The following KHDC1 variants were observed in gnomAD, a reference collection of about 807,000 sequenced individuals.
KHDC1 encodes the protein KH homology domain-containing protein 1.
Under a neutral mutation model 24.7 loss-of-function variants are expected in KHDC1, and 21 were observed. That is an observed-to-expected ratio of 0.85 (90% CI 0.60 to 1.23). The LOEUF (loss-of-function observed/expected upper bound fraction) is 1.23. Among genes scored for constraint, KHDC1 ranks in the 50% most tolerant of loss-of-function variants. The pLI is 0.00. For synonymous variants in KHDC1, 98 were observed against 111.7 expected, an observed-to-expected ratio of 0.88 and a Z score of 0.77; for missense variants, 274 against 298.5, an observed-to-expected ratio of 0.92 and a Z score of 0.61.
intron 2 of KHDC1, among the ~76,000 whole-genome samples, chr6:73,279,427 G>C (rs920591552): frequency 3.3e-5 from 5 of 151,810 alleles, no homozygotes; most frequent in Admixed American, 2.0e-4. Flanking sequence ...AAAAAACCAA[G>C]TCAACTATAT....
exon 5 of KHDC1, chr6:73,241,641 T>C (rs764925786): frequency 6.2e-7 from 1 of 1,614,020 alleles, no homozygotes; most frequent in South Asian, 1.1e-5. Flanking sequence ...CAAAGACAGG[T>C]CTCCAGTGTA....
chr6:73,251,011 G>C (rs1766769413), intron 2 of KHDC1, among the ~76,000 whole-genome samples: 1 of 152,044 alleles, frequency 6.6e-6, no homozygotes, highest in Admixed American at 6.6e-5. Flanking sequence ...TTTTAGTAGA[G>C]ACAGGTTTTG....
chr6:73,242,958 G>T (rs763896362), intron 2 of KHDC1, among the ~76,000 whole-genome samples: 1 of 152,108 alleles, frequency 6.6e-6, no homozygotes, highest in Non-Finnish European at 1.5e-5. Context: ...GGTTTGTTTG[G>T]TGTGCTGCAT....
chr6:73,259,322 C>T (rs1766938067), intron 2 of KHDC1, among the ~76,000 whole-genome samples: 1 of 109,588 alleles, frequency 9.1e-6, no homozygotes, highest in Non-Finnish European at 1.8e-5. Flanking sequence ...GAGTCTCGCT[C>T]TGTCGCCCAG....
intron 1 of KHDC1, among the ~76,000 whole-genome samples, chr6:73,302,610 T>G (rs890072399): frequency 3.3e-5 from 5 of 152,234 alleles, no homozygotes; most frequent in African/African-American, 1.2e-4. Flanking sequence ...ACAAGCATCA[T>G]GCCAAACACT....
chr6:73,292,383 G>T, intron 1 of KHDC1: 1 of 787,930 alleles, frequency 1.3e-6, no homozygotes, highest in South Asian at 1.3e-5. Context: ...CAGTATGAAT[G>T]TGGGAATTAC....
At chr6:73,251,798 T>C (rs1284368062) in intron 2 of KHDC1, among the ~76,000 whole-genome samples, 2 of 149,852 alleles carry the variant, frequency 1.3e-5, no homozygotes, top group Admixed American at 1.3e-4. Flanking sequence ...TCTTTTCTTT[T>C]CTTTTTTTTT....
intron 2 of KHDC1, among the ~76,000 whole-genome samples, chr6:73,286,362 T>A (rs1582578985): frequency 6.6e-6 from 1 of 152,204 alleles, no homozygotes; most frequent in East Asian, 1.9e-4. Flanking sequence ...AGGACTTCTT[T>A]TCTTGAAATA....
chr6:73,307,447 A>T (rs114114338), intron 1 of KHDC1, among the ~76,000 whole-genome samples: 153 of 152,282 alleles, frequency 1.0e-3, no homozygotes, highest in Non-Finnish European at 1.7e-3. Flanking sequence ...AAATTAATTA[A>T]TTAATTAAAT....
intron 2 of KHDC1, among the ~76,000 whole-genome samples, chr6:73,251,286 C>T (rs1278911030): frequency 6.6e-6 from 1 of 152,178 alleles, no homozygotes; most frequent in East Asian, 1.9e-4. Flanking sequence ...AGTTGGAATT[C>T]TCTTACTGTG....
At chr6:73,279,345 C>A (rs972969334) in intron 2 of KHDC1, among the ~76,000 whole-genome samples, 2 of 151,958 alleles carry the variant, frequency 1.3e-5, no homozygotes, top group Non-Finnish European at 2.9e-5. Flanking sequence ...GAGGTGGAGG[C>A]TGCAGTGAGC....
chr6:73,255,593 T>C (rs1582556777), intron 2 of KHDC1, among the ~76,000 whole-genome samples: 1 of 149,768 alleles, frequency 6.7e-6, no homozygotes, highest in East Asian at 2.0e-4. Context: ...GGATCATTGC[T>C]TGCGGTCATT....
At chr6:73,277,025 A>G (rs969819060) in intron 2 of KHDC1, among the ~76,000 whole-genome samples, 1 of 152,344 alleles carries the variant, frequency 6.6e-6, no homozygotes, top group Non-Finnish European at 1.5e-5. Flanking sequence ...AGGATAATTA[A>G]TGTCCCAGGG....
intron 1 of KHDC1, among the ~76,000 whole-genome samples, chr6:73,301,841 A>G (rs1767884191): frequency 6.6e-6 from 1 of 152,022 alleles, no homozygotes; most frequent in Non-Finnish European, 1.5e-5. Context: ...TACGTTGCCC[A>G]GGTTAGTCTT....
At chr6:73,270,572 T>C (rs1212124013) in intron 2 of KHDC1, 3 of 152,194 alleles carry the variant, frequency 2.0e-5, no homozygotes, top group Non-Finnish European at 4.4e-5. Flanking sequence ...CTTGGACATA[T>C]CTTTTTGAGG....
At chr6:73,258,028 G>A (rs2150563215) in intron 2 of KHDC1, among the ~76,000 whole-genome samples, 1 of 152,272 alleles carries the variant, frequency 6.6e-6, no homozygotes, top group South Asian at 2.1e-4. Flanking sequence ...GCCCAAGGTG[G>A]GCGGATCACT....
At chr6:73,286,858 G>A (rs1767532360) in intron 2 of KHDC1, among the ~76,000 whole-genome samples, 1 of 148,916 alleles carries the variant, frequency 6.7e-6, no homozygotes, top group South Asian at 2.2e-4. Flanking sequence ...ACTCCAGCCC[G>A]GGCAACAGAG....
intron 2 of KHDC1, chr6:73,291,008 A>C (rs192524001): frequency 2.7e-6 from 1 of 365,810 alleles, no homozygotes; most frequent in Admixed American, 3.4e-5. Context: ...ACTTCTATAG[A>C]GATCCTGAAG....
intron 2 of KHDC1, among the ~76,000 whole-genome samples, chr6:73,264,091 T>C (rs996578399): frequency 1.3e-5 from 2 of 152,052 alleles, no homozygotes; most frequent in Non-Finnish European, 2.9e-5. Flanking sequence ...CCAAGCTATA[T>C]GGGAAGCTGA....
Sources: gnomAD v4.1 joint callset for allele counts (sites outside exome capture counted in the v4.1 genomes callset) on GRCh38, gnomAD v4.1.1 for gene constraint, MANE v1.5 for transcripts, NCBI Gene and HGNC (gene_info 2026-07-23, HGNC 2026-07-21) for gene names.